The following PDXDC1 variants were observed in gnomAD, a reference collection of about 807,000 sequenced individuals.
The protein encoded by PDXDC1 is pyridoxal dependent decarboxylase domain containing 1.
PDXDC1 carries 42 observed loss-of-function variants against 100.1 expected under a neutral mutation model. The ratio of observed to expected loss-of-function variants is 0.42; its 90% CI spans 0.33 to 0.54. The LOEUF is 0.54. PDXDC1 is among the 20% of genes least tolerant of loss of function. The pLI is 0.10. For synonymous variants in PDXDC1, 260 were observed against 371.7 expected (o/e 0.70, Z 3.46); for missense variants, 636 against 979.2 (o/e 0.65, Z 4.68).
rs192531392 is a variant in PDXDC1 at position 15,037,349 on chromosome 16, C to T, written c.*1074C>T. 1 of 152,262 alleles carries T rather than the reference C, an allele frequency of 6.6e-6. No homozygotes were observed. Among genetic ancestry groups the T allele is most frequent in the Non-Finnish European group, 1.5e-5 (1 of 68,034 alleles). 9.4% of individuals were successfully genotyped at this position (152,262 alleles called of 1,614,324 possible). On this transcript the variant is annotated 3_prime_UTR_variant, in exon 23 of 23. Coordinates refer to ENST00000396410, the MANE Select transcript of PDXDC1 (RefSeq NM_015027.4). ...TCCAGCAGTCAAGCTTTTGGGAGAC[C>T]TGAAAATGGGAAAATTCACACTGGG...
intron 22 of PDXDC1, 100 bp from the exon 23 acceptor site, chr16:15,035,916 G>A (rs796197088): frequency 7.9e-7 from 1 of 1,260,166 alleles, no homozygotes; most frequent in African/African-American, 1.5e-5. Flanking sequence ...TTCTGCTGAA[G>A]CTGTGTTGTG....
intron 8 of PDXDC1, among the ~76,000 whole-genome samples, chr16:15,012,027 A>G (rs1597484968): frequency 2.6e-5 from 4 of 152,284 alleles, no homozygotes; most frequent in Admixed American, 2.6e-4. Context: ...CAGAAGCTAC[A>G]AAACATTTGT....
rs769818684 is a variant in PDXDC1 at position 15,034,556 on chromosome 16, A to G, written c.2002+3A>G. 3.1e-6 allele frequency: 5 copies of G among 1,607,488 alleles called. No homozygotes were observed. Among genetic ancestry groups the G allele is most frequent in the African/African-American group, 1.3e-5 (1 of 74,826 alleles). ...AAGAACTTTTAACTTGACAGCAGGT[A>G]GGACGGCATAGCCTCTTCCCAGGTC... is the stretch of plus-strand genomic sequence containing the variant. On this transcript the variant is annotated splice_donor_region_variant and intron_variant, in intron 21 of 22. Coordinates refer to ENST00000396410, the MANE Select transcript of PDXDC1 (RefSeq NM_015027.4).
chr16:15,093,493 G>C (rs1278461930), intron 16 of PDXDC1, among the ~76,000 whole-genome samples: 1 of 152,086 alleles, frequency 6.6e-6, no homozygotes, highest in Non-Finnish European at 1.5e-5. Flanking sequence ...TAGAAAGCAG[G>C]GACATTAGTG....
At chr16:15,027,964 C>A (rs541886966) in intron 14 of PDXDC1, among the ~76,000 whole-genome samples, 1 of 152,266 alleles carries the variant, frequency 6.6e-6, no homozygotes, top group African/African-American at 2.4e-5. Flanking sequence ...TTCCCTTCCC[C>A]GCTTCTGTGT....
At chr16:15,000,033 G>A (rs1246605462) in intron 3 of PDXDC1, among the ~76,000 whole-genome samples, 5 of 152,278 alleles carry the variant, frequency 3.3e-5, no homozygotes, top group Non-Finnish European at 2.9e-5. Context: ...ACTCCTATTC[G>A]TAGCATGAAT....
At chr16:15,051,971 T>C (rs1458893653) in intron 16 of PDXDC1, among the ~76,000 whole-genome samples, 3 of 152,128 alleles carry the variant, frequency 2.0e-5, no homozygotes, top group African/African-American at 7.2e-5. Flanking sequence ...TAGTCCCAGT[T>C]TTCTTAACCT....
At chr16:15,020,969 C>A (rs1206382016) in intron 12 of PDXDC1, among the ~76,000 whole-genome samples, 2 of 149,590 alleles carry the variant, frequency 1.3e-5, no homozygotes, top group East Asian at 4.1e-4. Flanking sequence ...TGGGTGGCAC[C>A]ATCTAAACAC....
At chr16:15,117,249 A>G (rs1308098631) in intron 16 of PDXDC1, among the ~76,000 whole-genome samples, 1 of 28,948 alleles carries the variant, frequency 3.5e-5, no homozygotes, top group Non-Finnish European at 6.7e-5. Flanking sequence ...CAGCCTCAGC[A>G]ACAAGGGAGA....
chr16:15,024,365 C>T (rs1249421137), intron 13 of PDXDC1, among the ~76,000 whole-genome samples: 1 of 151,830 alleles, frequency 6.6e-6, no homozygotes. Context: ...GTGCTGTTCT[C>T]TCTGCCTGGA....
At chr16:15,148,370 ATTTTTTTTT>A in the PDXDC1 span, among the ~76,000 whole-genome samples, 515 of 34,092 alleles carry the variant, frequency 0.015, 3 homozygotes, top group Middle Eastern at 0.025. Context: ...AGATCCTGTG[ATTTTTTTTT>A]TTTTTTTTTT....
At chr16:15,004,607 T>C (rs1388582793) in intron 5 of PDXDC1, among the ~76,000 whole-genome samples, 1 of 152,282 alleles carries the variant, frequency 6.6e-6, no homozygotes, top group Non-Finnish European at 1.5e-5. Context: ...AGCAGTTATT[T>C]ATTTGTGGGG....
intron 13 of PDXDC1, chr16:15,026,048 C>T (rs951498439): frequency 1.3e-5 from 2 of 152,762 alleles, no homozygotes; most frequent in Admixed American, 6.5e-5. Flanking sequence ...GCATCTTGTT[C>T]TGAAAGTTTT....
chr16:15,146,228 G>C, the PDXDC1 span, among the ~76,000 whole-genome samples: 1 of 152,148 alleles, frequency 6.6e-6, no homozygotes, highest in African/African-American at 2.4e-5. Flanking sequence ...CCTCAGAAGA[G>C]CCAACAGAAA....
intron 12 of PDXDC1, among the ~76,000 whole-genome samples, chr16:15,021,902 T>C (rs1024879650): frequency 6.6e-6 from 1 of 152,296 alleles, no homozygotes; most frequent in Non-Finnish European, 1.5e-5. Flanking sequence ...TCAGGCACCA[T>C]GAAGTACTTT....
chr16:15,007,367 G>T (rs1252762029), intron 6 of PDXDC1, among the ~76,000 whole-genome samples: 6 of 152,196 alleles, frequency 3.9e-5, no homozygotes, highest in African/African-American at 1.4e-4. Flanking sequence ...GTAGAGATGG[G>T]GTTTCACCGT....
chr16:15,063,204 T>C (rs1461441050), intron 16 of PDXDC1: 35 of 1,606,070 alleles, frequency 2.2e-5, no homozygotes, highest in Non-Finnish European at 2.8e-5. Flanking sequence ...ACCTTTTTCA[T>C]GGGTTTCTTG....
intron 16 of PDXDC1, among the ~76,000 whole-genome samples, chr16:15,059,562 T>C (rs1024601851): frequency 3.3e-5 from 5 of 152,186 alleles, no homozygotes; most frequent in Non-Finnish European, 7.4e-5. Flanking sequence ...AGGAAGCCCA[T>C]GGCACTTGGT....
chr16:15,083,586 T>C (rs779591243), intron 16 of PDXDC1: 2 of 1,597,864 alleles, frequency 1.3e-6, no homozygotes, highest in Non-Finnish European at 1.7e-6. Flanking sequence ...CGGTGTCCTA[T>C]TTTTAAAAAA....
Sources: allele counts gnomAD v4.1 joint callset (sites outside exome capture counted in the v4.1 genomes callset), GRCh38; gene constraint gnomAD v4.1.1; transcripts MANE v1.5; gene names NCBI Gene and HGNC (gene_info 2026-07-23, HGNC 2026-07-21).